The following LETMD1 variants were observed in gnomAD, a reference collection of about 807,000 sequenced individuals.
LETMD1 encodes the protein LETM1 domain containing 1, also known as LETM1 domain-containing protein 1.
Under a neutral mutation model 43.9 loss-of-function variants are expected in LETMD1, and 30 were observed. That is an observed-to-expected ratio of 0.68 (90% CI 0.51 to 0.93). The LOEUF is 0.93. Ranked by LOEUF, LETMD1 falls within the 40% of genes least tolerant of loss-of-function variation. The pLI is 0.00. For missense variants in LETMD1, 413 were observed against 447.7 expected (o/e 0.92, Z 0.70); for synonymous variants, 176 against 163.1 (o/e 1.08, Z -0.60).
chr12:51,048,639 C>A, intron 1 of LETMD1, 161 bp downstream of exon 1: 1 of 878,852 alleles, frequency 1.1e-6, no homozygotes. Context: ...ACTAGTGACC[C>A]GGCTTCCTGA....
intron 3 of LETMD1, among the ~76,000 whole-genome samples, chr12:51,053,476 C>T (rs1203007703): frequency 6.6e-6 from 1 of 152,078 alleles, no homozygotes; most frequent in Non-Finnish European, 1.5e-5. Flanking sequence ...AACCCTGTCT[C>T]GACTAAAAAT....
At chr12:51,060,863 C>A (rs1035930586), downstream of LETMD1, among the ~76,000 whole-genome samples, 2 of 145,006 alleles carry the variant, frequency 1.4e-5, no homozygotes, top group African/African-American at 5.2e-5. Context: ...GATTACGACA[C>A]TGCACTCCAG....
At chr12:51,053,964 A>T in intron 4 of LETMD1, 104 bp downstream of exon 4, 1 of 782,098 alleles carries the variant, frequency 1.3e-6, no homozygotes, top group South Asian at 1.7e-5. Flanking sequence ...GGCAGAGGTT[A>T]TCAAACTTCT....
rs1169555119 is a variant in LETMD1, at chr12:51,055,867, A to G, written c.506A>G (p.His169Arg). 5 of 1,613,210 alleles carry G rather than the reference A, an allele frequency of 3.1e-6. No homozygotes were observed. Among genetic ancestry groups the G allele is most frequent in the Middle Eastern group, 1.7e-4 (1 of 6,052 alleles). ...YLFPRQLLIR[H>R]FWTPKQQTDF... ...TTTCCCAGGCAACTACTGATCAGGC[A>G]TTTCTGGACCCCAAAACAACAAACT... is the stretch of plus-strand genomic sequence containing the variant. The change falls in exon 5 of 9, where the codon CAT (histidine) becomes CGT (arginine). Residue 169 changes from histidine (H) to arginine (R), a missense_variant. Transcript: ENST00000262055.
chr12:51,051,263 G>C (rs1045618549), intron 2 of LETMD1, among the ~76,000 whole-genome samples: 4 of 151,650 alleles, frequency 2.6e-5, no homozygotes, highest in African/African-American at 9.7e-5. Context: ...AATTAGCCAG[G>C]TGTGGTGATG....
the LETMD1 span, among the ~76,000 whole-genome samples, chr12:51,065,702 C>T: frequency 6.6e-6 from 1 of 152,142 alleles, no homozygotes; most frequent in African/African-American, 2.4e-5. Flanking sequence ...TCAAGCAGTC[C>T]TTCCACCCCA....
intron 3 of LETMD1, among the ~76,000 whole-genome samples, chr12:51,053,369 T>G (rs1265221570): frequency 6.6e-6 from 1 of 152,108 alleles, no homozygotes. Flanking sequence ...GGGGACCACA[T>G]GCAGTGCTCA....
chr12:51,067,657 G>C, the LETMD1 span: 1 of 1,608,614 alleles, frequency 6.2e-7, no homozygotes, highest in Non-Finnish European at 8.5e-7. The surrounding 1 kb of genome is among the most constrained non-coding windows in gnomAD (Gnocchi z 4.1). Flanking sequence ...ACTATCTCAG[G>C]CCAACTTGGA....
At position 51,056,338 on chromosome 12, in the gene LETMD1, G is replaced by A. The variant is rs767505572; in HGVS notation, c.763-12G>A. On this transcript the variant is annotated splice_polypyrimidine_tract_variant and intron_variant, in intron 6 of 8. Transcript: ENST00000262055. ...CTATTTGCCTTTCCCCTCCTATGTGGTTGTGTTACAGAAAGCCTTGAGCCG... is the reference window on the plus strand; with the variant it reads ...CTATTTGCCTTTCCCCTCCTATGTGATTGTGTTACAGAAAGCCTTGAGCCG... 12 of 1,614,094 alleles carry A rather than the reference G, an allele frequency of 7.4e-6. No individual in the cohort carries two copies. The East Asian group carries it at 2.5e-4, about 33-fold the overall frequency.
At chr12:51,050,579 C>T (rs1945779954) in intron 2 of LETMD1, among the ~76,000 whole-genome samples, 1 of 151,954 alleles carries the variant, frequency 6.6e-6, no homozygotes, top group Admixed American at 6.6e-5. Context: ...TAACAAACTT[C>T]CATGTATTAA....
chr12:51,048,351 G>T lies in LETMD1; in HGVS notation c.-6G>T, dbSNP rs897857414. 3 of 1,613,996 alleles carry T rather than the reference G, an allele frequency of 1.9e-6. No homozygotes were observed. Among genetic ancestry groups the T allele is most frequent in the Admixed American group, 3.3e-5 (2 of 59,996 alleles). ...CCTCTTCTCTCCCGCTTCTCTCGCT[G>T]TGAAGATGGCGCTCTCCAGGGTGTG... On this transcript the variant is annotated 5_prime_UTR_variant, in exon 1 of 9. Transcript: ENST00000262055.
rs1948623463 is a variant in LETMD1, at chr12:51,059,434, GA to G, written c.*5del. On this transcript the variant is annotated 3_prime_UTR_variant, in exon 9 of 9. Transcript: ENST00000262055. The stretch of plus-strand genomic sequence containing the variant: ...ACTACCTTGGGACAAGGCGCTGAAT[GA>G]ACCATGGAGCGGATGGCATTGTCCT... The G allele has an allele frequency of 6.2e-7, 1 of 1,613,720 alleles. No homozygotes were observed. Among genetic ancestry groups the G allele is most frequent in the Non-Finnish European group, 8.5e-7 (1 of 1,179,582 alleles).
At chr12:51,057,981 G>C (rs1414648926) in intron 7 of LETMD1, 51 bp from the exon 8 acceptor site, 1 of 1,122,638 alleles carries the variant, frequency 8.9e-7, no homozygotes, top group Non-Finnish European at 1.4e-6. Flanking sequence ...CATTTCCTTG[G>C]CATAATCATT....
chr12:51,066,612 G>T, the LETMD1 span, among the ~76,000 whole-genome samples: 1 of 148,100 alleles, frequency 6.8e-6, no homozygotes, highest in Non-Finnish European at 1.5e-5. Context: ...CTGCACTCCA[G>T]CCTGGGCGAC....
chr12:51,056,569 G>T, intron 7 of LETMD1, 67 bp downstream of exon 7: 1 of 1,480,470 alleles, frequency 6.8e-7, no homozygotes, highest in Non-Finnish European at 9.4e-7. Context: ...GCAGGCCGGA[G>T]GTTTACAGGG....
Position 51,048,386 on chromosome 12 carries a change from G to A in LETMD1, c.30G>A (p.Arg10=). The A allele has an allele frequency of 6.2e-7, 1 of 1,614,138 alleles. No homozygotes were observed. The highest frequency in any genetic ancestry group is 8.5e-7 in the Non-Finnish European group (1 of 1,180,028). ...CGCTCTCCAGGGTGTGCTGGGCTCG[G>A]TCGGCTGTGTGGGGCTCGGCAGTCA... MALSRVCWA[R]SAVWGSAVTP... Residue 10 remains arginine (R), a synonymous_variant, in exon 1 of 9, where the codon CGG becomes CGA. Transcript: ENST00000262055.
At chr12:51,067,643 A>C in the LETMD1 span, 1 of 1,602,428 alleles carries the variant, frequency 6.2e-7, no homozygotes, top group Non-Finnish European at 8.5e-7. The surrounding 1 kb of genome is among the most constrained non-coding windows in gnomAD (Gnocchi z 4.1). Context: ...CCTGGTGTAG[A>C]TATACTATCT....
In LETMD1 at chr12:51,051,816, A is replaced by G. The variant is rs571251322; in HGVS notation, c.275-276A>G. 3.9e-5 allele frequency among the ~76,000 whole-genome samples: 6 copies of G among 152,348 alleles called. No individual in the cohort carries two copies. The South Asian group carries it at 1.2e-3, about 32-fold the overall frequency. On this transcript the variant is annotated intron_variant, in intron 2 of 8. Coordinates refer to ENST00000262055, the MANE Select transcript of LETMD1 (RefSeq NM_015416.5). Reference sequence around the variant, plus strand: ...CTGAAGTTAGGGAGCTTGATTTTTAAAAAGGAGTGACCAGTGAAACAGAAG... The same window carrying G: ...CTGAAGTTAGGGAGCTTGATTTTTAGAAAGGAGTGACCAGTGAAACAGAAG...
At chr12:51,050,771 T>G (rs1945846173) in intron 2 of LETMD1, among the ~76,000 whole-genome samples, 1 of 151,376 alleles carries the variant, frequency 6.6e-6, no homozygotes, top group Admixed American at 6.6e-5. Flanking sequence ...CCCAGCACTT[T>G]GGGAGGCCGG....
Sources: allele counts gnomAD v4.1 joint callset (sites outside exome capture counted in the v4.1 genomes callset), GRCh38; gene constraint gnomAD v4.1.1; non-coding constraint Gnocchi (gnomAD v3.1); transcripts MANE v1.5; gene names NCBI Gene and HGNC (gene_info 2026-07-23, HGNC 2026-07-21).